The following ARHGEF4 variants were observed in gnomAD, a reference collection of about 807,000 sequenced individuals.
ARHGEF4 encodes APC-stimulated guanine nucleotide exchange factor 1.
ARHGEF4 carries 119 observed loss-of-function variants against 162.0 expected under a neutral mutation model. That is an observed-to-expected ratio of 0.73 (90% CI 0.63 to 0.86). The LOEUF (loss-of-function observed/expected upper bound fraction) is 0.86, where lower values mean the gene tolerates loss of function less well. ARHGEF4 is among the 40% of genes least tolerant of loss of function. The pLI is 0.00. For missense variants in ARHGEF4, 2,488 were observed against 2,456.0 expected (o/e 1.01, Z -0.28); for synonymous variants, 1,014 against 979.9 (o/e 1.03, Z -0.65).
At chr2:131,043,740 GTGAGC>G in intron 11 of ARHGEF4, 157 bp downstream of exon 11, 1 of 739,416 alleles carries the variant, frequency 1.4e-6, no homozygotes. Flanking sequence ...CTCTCTGCAG[GTGAGC>G]CTGGTGGCCC....
chr2:130,927,951 G>C (rs1682396866), intron 2 of ARHGEF4, among the ~76,000 whole-genome samples: 1 of 152,082 alleles, frequency 6.6e-6, no homozygotes, highest in Non-Finnish European at 1.5e-5. Context: ...AATGATTTCA[G>C]TGTCTTCCTT....
intron 6 of ARHGEF4, 31 bp from the exon 7 acceptor site, chr2:131,039,985 G>T (rs1021040703): frequency 2.6e-6 from 4 of 1,546,688 alleles, no homozygotes; most frequent in African/African-American, 1.4e-5. Context: ...CGAGGGATGC[G>T]GGGCACTGAC....
intron 4 of ARHGEF4, 90 bp downstream of exon 4, chr2:130,946,725 G>T: frequency 2.5e-6 from 4 of 1,568,996 alleles, no homozygotes; most frequent in Non-Finnish European, 3.5e-6. Flanking sequence ...GTATCCACTT[G>T]CCTGGTAGAA....
At chr2:130,999,143 G>A (rs1687591372) in intron 4 of ARHGEF4, among the ~76,000 whole-genome samples, 1 of 151,622 alleles carries the variant, frequency 6.6e-6, no homozygotes, top group Non-Finnish European at 1.5e-5. Context: ...TTATAATTGA[G>A]GGTTTTTTTG....
At chr2:130,909,135 G>A (rs1033047636) in intron 1 of ARHGEF4, among the ~76,000 whole-genome samples, 5 of 152,176 alleles carry the variant, frequency 3.3e-5, no homozygotes, top group African/African-American at 1.2e-4. Context: ...CCCCTACCCT[G>A]TGTATCTGAT....
chr2:131,038,849 G>C lies in ARHGEF4; in HGVS notation c.4126-4G>C. 1 of 1,601,068 alleles carries C rather than the reference G, an allele frequency of 6.2e-7. No homozygotes were observed. The highest frequency in any genetic ancestry group is 8.5e-7 in the Non-Finnish European group (1 of 1,172,282). The stretch of plus-strand genomic sequence containing the variant: ...GACCCGCCTGCCCGTGGCTCTCTCG[G>C]CAGCTCATCAGCGATGGCAGTGTGG... On this transcript the variant is annotated splice_polypyrimidine_tract_variant and splice_region_variant and intron_variant, in intron 5 of 13. Transcript: ENST00000409359.
At chr2:130,874,979 G>T (rs147272727) in intron 1 of ARHGEF4, among the ~76,000 whole-genome samples, 36 of 152,250 alleles carry the variant, frequency 2.4e-4, no homozygotes, top group African/African-American at 8.7e-4. Context: ...TGTTTTCCAG[G>T]TCTCCTACAA....
At chr2:131,016,742 G>A (rs1688796254) in intron 4 of ARHGEF4, among the ~76,000 whole-genome samples, 1 of 152,226 alleles carries the variant, frequency 6.6e-6, no homozygotes, top group South Asian at 2.1e-4. Flanking sequence ...CTGGGGACGG[G>A]TCTCAAGGAT....
At chr2:131,000,645 A>G (rs557490290) in intron 4 of ARHGEF4, among the ~76,000 whole-genome samples, 9 of 152,320 alleles carry the variant, frequency 5.9e-5, no homozygotes, top group Non-Finnish European at 1.3e-4. Flanking sequence ...CTCTTATGCC[A>G]ATTTTACCAT....
At chr2:131,039,877 A>G (rs1047547616) in intron 6 of ARHGEF4, 139 bp from the exon 7 acceptor site, 1 of 1,426,844 alleles carries the variant, frequency 7.0e-7, no homozygotes, top group Admixed American at 3.0e-5. Context: ...TGGTGGGGGG[A>G]GCTGGCCGGC....
intron 11 of ARHGEF4, 169 bp downstream of exon 11, chr2:131,043,752 GC>G: frequency 3.5e-6 from 3 of 850,560 alleles, no homozygotes; most frequent in Non-Finnish European, 5.3e-6. Flanking sequence ...GAGCCTGGTG[GC>G]CCAGGAGCAG....
In ARHGEF4 at chr2:131,040,163, TA is replaced by T. The variant is rs1215786758; in HGVS notation, c.4454del (p.Tyr1485SerfsTer46). ...CGAGATCCTCAGCACTGAGCGGGACTACATCAAGCACCTGCGCGACATCTGC... is the reference window on the plus strand; with the variant it reads ...CGAGATCCTCAGCACTGAGCGGGACTCATCAAGCACCTGCGCGACATCTGC... ...INEILSTERD[Y>X]IKHLRDICEG... On this transcript the variant is annotated frameshift_variant, in exon 7 of 14. Transcript: ENST00000409359. LOFTEE classifies it high-confidence loss of function. The T allele has an allele frequency of 6.2e-7, 1 of 1,612,048 alleles. No homozygotes were observed. The highest frequency in any genetic ancestry group is 8.5e-7 in the Non-Finnish European group (1 of 1,178,906).
chr2:130,887,235 G>A (rs1308697450), intron 1 of ARHGEF4, among the ~76,000 whole-genome samples: 1 of 151,900 alleles, frequency 6.6e-6, no homozygotes, highest in East Asian at 1.9e-4. Context: ...GGAGGCTGAG[G>A]CAGGAGGATG....
chr2:130,918,242 G>A (rs1425106230), intron 2 of ARHGEF4, among the ~76,000 whole-genome samples: 1 of 152,164 alleles, frequency 6.6e-6, no homozygotes, highest in African/African-American at 2.4e-5. Context: ...TTCGTATAAA[G>A]AGACAGGAAA....
Position 131,003,731 on chromosome 2 carries a change from G to A in ARHGEF4, c.3986-24214G>A, listed in dbSNP as rs183604430. On this transcript the variant is annotated intron_variant, in intron 4 of 13. Transcript: ENST00000409359. ...TATGTGATGGCAGTTGCTAGACCGA[G>A]CCTGAAATGCAGAAATGCCAGGGCA... Among the ~76,000 whole-genome samples, 616 of 152,328 alleles carry A rather than the reference G, an allele frequency of 4.0e-3. 8 individuals carry two copies. The highest frequency in any genetic ancestry group is 0.014 in the African/African-American group (587 of 41,566).
In ARHGEF4 at chr2:130,916,527, C is replaced by G; in HGVS notation, c.2581C>G (p.Pro861Ala). 2 of 1,549,714 alleles carry G rather than the reference C, an allele frequency of 1.3e-6. No homozygotes were observed. The highest frequency in any genetic ancestry group is 8.7e-7 in the Non-Finnish European group (1 of 1,146,864). ...GDASAWPEFV[P>A]QAAGDRTAGP... is the part of the protein sequence containing the mutation. ...CGCCAGCGCCTGGCCCGAGTTTGTCCCGCAGGCTGCAGGCGACAGGACTGC... is the reference window on the plus strand; with the variant it reads ...CGCCAGCGCCTGGCCCGAGTTTGTCGCGCAGGCTGCAGGCGACAGGACTGC... The change falls in exon 2 of 14, where the codon CCG becomes GCG. Residue 861 changes from proline (P) to alanine (A), a missense_variant. Pro to Ala is a conservative substitution (Grantham distance 27, BLOSUM62 -1). Transcript: ENST00000409359.
intron 4 of ARHGEF4, among the ~76,000 whole-genome samples, chr2:130,970,382 C>T (rs1207787683): frequency 2.0e-5 from 3 of 151,684 alleles, no homozygotes; most frequent in Non-Finnish European, 4.4e-5. Context: ...TGAGGTCAGG[C>T]GTTCGAGACC....
intron 1 of ARHGEF4, among the ~76,000 whole-genome samples, chr2:130,909,910 A>C (rs1467594210): frequency 6.6e-6 from 1 of 152,218 alleles, no homozygotes; most frequent in Non-Finnish European, 1.5e-5. Context: ...GTTCACACAC[A>C]CAAAAGAAAT....
intron 4 of ARHGEF4, among the ~76,000 whole-genome samples, chr2:130,992,962 T>A (rs968369772): frequency 1.3e-5 from 2 of 152,158 alleles, no homozygotes; most frequent in African/African-American, 4.8e-5. Context: ...TGCACATCTG[T>A]AATCCCAACT....
Sources: allele counts gnomAD v4.1 joint callset (sites outside exome capture counted in the v4.1 genomes callset), GRCh38; gene constraint gnomAD v4.1.1; transcripts MANE v1.5; gene names NCBI Gene and HGNC (gene_info 2026-07-23, HGNC 2026-07-21).